TRDN: variants seen among roughly 807,000 people sequenced by gnomAD.
TRDN encodes the protein triadin in skeletal muscle.
A neutral mutation model predicts 149.7 loss-of-function variants in TRDN; 161 were observed. The observed-to-expected ratio is 1.08, with a 90% CI of 0.95 to 1.23. The LOEUF (loss-of-function observed/expected upper bound fraction) is 1.23, where lower values mean the gene tolerates loss of function less well. TRDN is among the 50% of genes most tolerant of loss of function. The pLI, the probability that TRDN is intolerant of heterozygous loss-of-function variation, is 0.00. For missense variants in TRDN, 896 were observed against 823.5 expected (o/e 1.09, Z -1.08); for synonymous variants, 294 against 250.5 (o/e 1.17, Z -1.64).
chr6:123,345,181 A>G lies in TRDN; in HGVS notation c.1369+7358T>C, dbSNP rs139205121. On this transcript the variant is annotated intron_variant, in intron 21 of 40. Coordinates refer to ENST00000334268, the MANE Select transcript of TRDN (RefSeq NM_006073.4). ...GGAATTTTATAGTTTTATGTTTTAC[A>G]TTTAGGTCTATGATCCACTTTGAGT... Among the ~76,000 whole-genome samples the G allele has an allele frequency of 4.3e-3, 647 of 152,026 alleles. 3 individuals carry two copies. The highest frequency in any genetic ancestry group is 6.5e-3 in the Non-Finnish European group (442 of 67,940).
At chr6:123,361,581 T>A (rs1199905906) in intron 20 of TRDN, among the ~76,000 whole-genome samples, 1 of 152,120 alleles carries the variant, frequency 6.6e-6, no homozygotes, top group Non-Finnish European at 1.5e-5. Context: ...ACTATACTAT[T>A]TTTTATTCCC....
chr6:123,472,159 A>G (rs1215307959), intron 9 of TRDN, among the ~76,000 whole-genome samples: 3 of 152,176 alleles, frequency 2.0e-5, no homozygotes, highest in African/African-American at 2.4e-5. Flanking sequence ...CTGCATTTCC[A>G]TCTGAGGTAC....
At chr6:123,316,110 C>T (rs1352549210) in intron 24 of TRDN, among the ~76,000 whole-genome samples, 1 of 151,796 alleles carries the variant, frequency 6.6e-6, no homozygotes, top group Non-Finnish European at 1.5e-5. Context: ...ATTTGACATG[C>T]TCTGTATGGA....
chr6:123,397,272 A>C (rs1018021358), intron 12 of TRDN, among the ~76,000 whole-genome samples: 3 of 152,184 alleles, frequency 2.0e-5, no homozygotes, highest in African/African-American at 7.2e-5. Flanking sequence ...AATGAGTAGC[A>C]GCAGATGGTA....
At chr6:123,323,903 G>C (rs1562262186) in intron 23 of TRDN, among the ~76,000 whole-genome samples, 1 of 152,292 alleles carries the variant, frequency 6.6e-6, no homozygotes, top group Non-Finnish European at 1.5e-5. Context: ...AGTGTGAAGA[G>C]TGTGCATTTA....
chr6:123,563,059 C>A (rs1236733247), intron 2 of TRDN, among the ~76,000 whole-genome samples: 1 of 152,164 alleles, frequency 6.6e-6, no homozygotes, highest in Admixed American at 6.5e-5. Flanking sequence ...TTGTGTGGGA[C>A]CTAATGAAAT....
At chr6:123,408,758 C>A (rs749423890) in intron 12 of TRDN, among the ~76,000 whole-genome samples, 2 of 151,668 alleles carry the variant, frequency 1.3e-5, no homozygotes, top group Non-Finnish European at 2.9e-5. Flanking sequence ...AGTACCCATT[C>A]GAATTCCTTG....
intron 12 of TRDN, among the ~76,000 whole-genome samples, chr6:123,420,391 T>TAAAAAA (rs5879679): frequency 3.8e-4 from 58 of 151,262 alleles, no homozygotes; most frequent in African/African-American, 1.4e-3. Context: ...AGGATTTTTT[T>TAAAAAA]AAAAAAAAAA....
intron 4 of TRDN, among the ~76,000 whole-genome samples, chr6:123,544,370 G>T (rs7349870): frequency 1.3e-5 from 2 of 151,416 alleles, no homozygotes; most frequent in Non-Finnish European, 2.9e-5. Context: ...ACCAACAACA[G>T]ATTTATTTAT....
chr6:123,331,882 T>C lies in TRDN; in HGVS notation c.1468A>G (p.Lys490Glu). ...EEKVPASLKE[K>E]EPETKKDEKM... ...ACATTTCATTGTATAATATTACCTT[T>C]TTCCTTTAGGGAAGCTGGAACTTTC... The change falls in exon 23 of 41, where the codon AAA becomes GAA. Residue 490 changes from lysine (K) to glutamate (E), a missense_variant. By Grantham distance (56) the Lys-to-Glu change is moderately conservative (BLOSUM62 1). Coordinates refer to ENST00000334268, the MANE Select transcript of TRDN (RefSeq NM_006073.4). 2 of 1,542,414 alleles carry C rather than the reference T, an allele frequency of 1.3e-6. No homozygotes were observed. The highest frequency in any genetic ancestry group is 2.5e-5 in the South Asian group (2 of 81,530).
intron 2 of TRDN, among the ~76,000 whole-genome samples, chr6:123,568,271 G>A (rs1370491215): frequency 6.6e-6 from 1 of 152,206 alleles, no homozygotes; most frequent in Non-Finnish European, 1.5e-5. Context: ...TTCAGCCCTG[G>A]AGGCTGCTCT....
intron 12 of TRDN, among the ~76,000 whole-genome samples, chr6:123,432,558 A>G (rs571069409): frequency 9.9e-5 from 15 of 152,104 alleles, no homozygotes; most frequent in Non-Finnish European, 1.6e-4. Context: ...GTTTATGTAC[A>G]TCGGGCACTA....
At chr6:123,350,410 CAT>C (rs1023494215) in intron 21 of TRDN, 8 of 666,430 alleles carry the variant, frequency 1.2e-5, no homozygotes, top group Non-Finnish European at 1.3e-5. Context: ...ATAAAGTCCA[CAT>C]GTTTAAACAA....
intron 10 of TRDN, among the ~76,000 whole-genome samples, chr6:123,458,875 G>T (rs1395533476): frequency 1.3e-5 from 2 of 151,800 alleles, no homozygotes; most frequent in Non-Finnish European, 1.5e-5. Context: ...AAAAAAAGGG[G>T]AACACTGGTT....
intron 10 of TRDN, among the ~76,000 whole-genome samples, chr6:123,444,691 G>T (rs200141036): frequency 7.2e-5 from 11 of 152,142 alleles, no homozygotes; most frequent in African/African-American, 1.4e-4. Context: ...TTGAAATACG[G>T]CCCATCAATA....
intron 12 of TRDN, among the ~76,000 whole-genome samples, chr6:123,425,249 GT>G (rs1304196391): frequency 7.9e-6 from 1 of 126,640 alleles, no homozygotes; most frequent in Non-Finnish European, 1.9e-5. Context: ...GTGTGTGTGT[GT>G]GTGTGTGTGT....
chr6:123,309,284 A>T (rs1404220702), intron 24 of TRDN, among the ~76,000 whole-genome samples: 1 of 151,730 alleles, frequency 6.6e-6, no homozygotes, highest in African/African-American at 2.4e-5. Context: ...TCTGCTAGCC[A>T]TGTGACTCCT....
At chr6:123,600,724 A>G (rs1784240752) in intron 1 of TRDN, among the ~76,000 whole-genome samples, 1 of 152,076 alleles carries the variant, frequency 6.6e-6, no homozygotes, top group Non-Finnish European at 1.5e-5. Flanking sequence ...TTGGAGAGGC[A>G]GTAGAACATT....
Position 123,503,770 on chromosome 6 carries a change from TG to T in TRDN, c.741del (p.Glu249LysfsTer25). The T allele has an allele frequency of 6.2e-7, 1 of 1,613,742 alleles. No homozygotes were observed. Among genetic ancestry groups the T allele is most frequent in the Non-Finnish European group, 8.5e-7 (1 of 1,179,806 alleles). On this transcript the variant is annotated frameshift_variant, in exon 8 of 41. Transcript: ENST00000334268. LOFTEE classifies it high-confidence loss of function. ...GCTTTCTCTTTGTCCTCCTTTTCTT[TG>T]GGTTTTGATGGTGTTTTCTGTACTT... ...VKEVQKTPSKPKEKEDKEKAA... is the reference protein window; with the variant it reads ...VKEVQKTPSKXKEKEDKEKAA...
Sources: allele counts gnomAD v4.1 joint callset (sites outside exome capture counted in the v4.1 genomes callset), GRCh38; gene constraint gnomAD v4.1.1; transcripts MANE v1.5; gene names NCBI Gene and HGNC (gene_info 2026-07-23, HGNC 2026-07-21).